The following PAPPA2 variants were observed in gnomAD, a reference collection of about 807,000 sequenced individuals.
PAPPA2 encodes the protein pappalysin 2, also known as pappalysin-2.
In PAPPA2, 86 loss-of-function variants were observed where a neutral mutation model predicts 176.4. The observed-to-expected ratio is 0.49, with a 90% CI of 0.41 to 0.58. The LOEUF (loss-of-function observed/expected upper bound fraction) is 0.58, where lower values mean the gene tolerates loss of function less well. Ranked by LOEUF, PAPPA2 falls within the 20% of genes least tolerant of loss-of-function variation. PAPPA2 has a pLI of 0.00. For synonymous variants in PAPPA2, 809 were observed against 852.2 expected (o/e 0.95, Z 0.88); for missense variants, 2,073 against 2,256.9 (o/e 0.92, Z 1.65).
At chr1:176,651,443 A>G (rs758192325) in intron 3 of PAPPA2, among the ~76,000 whole-genome samples, 17 of 151,740 alleles carry the variant, frequency 1.1e-4, no homozygotes, top group South Asian at 4.2e-4. Flanking sequence ...TTTGAAAACG[A>G]TGTCCCACTC....
At chr1:176,834,557 G>T (rs939110073) in intron 21 of PAPPA2, among the ~76,000 whole-genome samples, 11 of 152,174 alleles carry the variant, frequency 7.2e-5, no homozygotes, top group African/African-American at 2.7e-4. Context: ...GCATAGTGTT[G>T]CTTCCTCCTG....
chr1:176,510,125 A>G (rs1648502244), intron 1 of PAPPA2, among the ~76,000 whole-genome samples: 1 of 152,188 alleles, frequency 6.6e-6, no homozygotes, highest in Non-Finnish European at 1.5e-5. Context: ...ATAAGCTCAC[A>G]TATTTGAGAA....
intron 3 of PAPPA2, among the ~76,000 whole-genome samples, chr1:176,619,774 G>A (rs1406637805): frequency 6.6e-6 from 1 of 152,054 alleles, no homozygotes; most frequent in Non-Finnish European, 1.5e-5. Context: ...AATATATCAA[G>A]TAATATGGTC....
intron 4 of PAPPA2, among the ~76,000 whole-genome samples, chr1:176,681,938 T>C (rs1659605891): frequency 6.6e-6 from 1 of 152,120 alleles, no homozygotes; most frequent in Non-Finnish European, 1.5e-5. Flanking sequence ...ACAGGGTTGG[T>C]ACGGGTAGGA....
At chr1:176,826,137 T>TAA (rs1666856891) in intron 21 of PAPPA2, among the ~76,000 whole-genome samples, 1 of 152,206 alleles carries the variant, frequency 6.6e-6, no homozygotes, top group African/African-American at 2.4e-5. Flanking sequence ...AGTGTGATTC[T>TAA]AGAGTCCATG....
intron 3 of PAPPA2, 99 bp from the exon 4 acceptor site, chr1:176,670,871 T>C (rs1047545127): frequency 1.3e-5 from 19 of 1,475,182 alleles, no homozygotes; most frequent in Non-Finnish European, 1.7e-5. Context: ...AAGGTAATGC[T>C]GGCTGGGAGT....
At chr1:176,758,373 T>C (rs1436974909) in intron 14 of PAPPA2, among the ~76,000 whole-genome samples, 1 of 152,178 alleles carries the variant, frequency 6.6e-6, no homozygotes, top group Admixed American at 6.5e-5. Context: ...AAGACTTTTT[T>C]TCTCTATTAG....
In PAPPA2 at chr1:176,772,614, G is replaced by A. The variant is rs77904762; in HGVS notation, c.4715+1434G>A. Among the ~76,000 whole-genome samples the A allele has an allele frequency of 2.5e-3, 381 of 152,264 alleles. 4 individuals are homozygous for A. Among genetic ancestry groups the A allele is most frequent in the African/African-American group, 7.9e-3 (328 of 41,558 alleles). ...CCCTTTCCACCAGAGGGAAGGGCCA[G>A]GCTGATTAGAACATAAACAATACTG... On this transcript the variant is annotated intron_variant, in intron 17 of 22. Coordinates refer to ENST00000367662, the MANE Select transcript of PAPPA2 (RefSeq NM_020318.3).
chr1:176,501,212 T>A (rs917038048), intron 1 of PAPPA2, among the ~76,000 whole-genome samples: 1 of 151,998 alleles, frequency 6.6e-6, no homozygotes, highest in Non-Finnish European at 1.5e-5. Context: ...CCAGACTTAA[T>A]GGAAAAGCTT....
chr1:176,776,420 G>A (rs539602416), intron 17 of PAPPA2, among the ~76,000 whole-genome samples: 2 of 152,288 alleles, frequency 1.3e-5, no homozygotes, highest in African/African-American at 4.8e-5. Context: ...TCTGAGGGTT[G>A]CCCACAGCAT....
At chr1:176,795,932 A>G (rs943765288) in intron 20 of PAPPA2, among the ~76,000 whole-genome samples, 1 of 152,240 alleles carries the variant, frequency 6.6e-6, no homozygotes, top group Non-Finnish European at 1.5e-5. Context: ...TCCCCAAAAC[A>G]TAAATAGTGC....
In PAPPA2 at chr1:176,702,655, TGGA is replaced by T; in HGVS notation, c.3290_3292del (p.Gly1097del). On this transcript the variant is annotated inframe_deletion, in exon 9 of 23. Coordinates refer to ENST00000367662, the MANE Select transcript of PAPPA2 (RefSeq NM_020318.3). ...ATCAGTACCAAGTTCTAGCTGAAGC[TGGA>T]GGAGAACTGGGAGAAGCTTCGCCTC... The T allele has an allele frequency of 1.9e-6, 3 of 1,614,002 alleles. No individual in the cohort carries two copies. Among genetic ancestry groups the T allele is most frequent in the Non-Finnish European group, 2.5e-6 (3 of 1,179,980 alleles).
intron 3 of PAPPA2, among the ~76,000 whole-genome samples, chr1:176,597,467 A>C (rs966923329): frequency 6.6e-6 from 1 of 152,164 alleles, no homozygotes; most frequent in African/African-American, 2.4e-5. Context: ...TGTATAAGAA[A>C]ATTCTGTTTG....
Position 176,672,395 on chromosome 1 carries a change from A to G in PAPPA2, c.2137+1280A>G, listed in dbSNP as rs190618167. On this transcript the variant is annotated intron_variant, in intron 4 of 22. Coordinates refer to ENST00000367662, the MANE Select transcript of PAPPA2 (RefSeq NM_020318.3). ...TTGGTCTTCCTAGTAATCAAATAAG[A>G]AGCAGAGAGGAATAAATTAAAGAAA... 8.5e-5 allele frequency among the ~76,000 whole-genome samples: 13 copies of G among 152,288 alleles called. No homozygotes were observed. In the East Asian group the frequency reaches 2.3e-3, roughly 27 times the overall value.
chr1:176,595,091 C>G lies in PAPPA2; in HGVS notation c.1487C>G (p.Pro496Arg). ...PEPEILSPLQ[P>R]PLCGQTVCDN... is the part of the protein sequence containing the mutation. ...CCTGAGATTCTGTCGCCTTTGCAGCCCCCACTCTGTGGGCAAACAGTCTGT... is the reference window on the plus strand; with the variant it reads ...CCTGAGATTCTGTCGCCTTTGCAGCGCCCACTCTGTGGGCAAACAGTCTGT... The change falls in exon 3 of 23, where the codon CCC becomes CGC. Residue 496 changes from proline to arginine, a missense_variant. By Grantham distance (103) the Pro-to-Arg change is moderately radical. Transcript: ENST00000367662. 1 of 1,614,124 alleles carries G rather than the reference C, an allele frequency of 6.2e-7. No homozygotes were observed. Among genetic ancestry groups the G allele is most frequent in the Middle Eastern group, 1.6e-4 (1 of 6,062 alleles).
At chr1:176,540,114 G>C (rs1364417279) in intron 1 of PAPPA2, among the ~76,000 whole-genome samples, 5 of 152,074 alleles carry the variant, frequency 3.3e-5, no homozygotes, top group Non-Finnish European at 7.4e-5. Flanking sequence ...AATTTCTCAT[G>C]GTTTCATACT....
intron 12 of PAPPA2, among the ~76,000 whole-genome samples, chr1:176,732,608 T>A (rs940549071): frequency 6.6e-6 from 1 of 152,156 alleles, no homozygotes; most frequent in Non-Finnish European, 1.5e-5. Context: ...TTACTCAAAA[T>A]GTGGTTGGCA....
intron 14 of PAPPA2, among the ~76,000 whole-genome samples, chr1:176,762,658 A>G (rs1663751950): frequency 6.6e-6 from 1 of 152,218 alleles, no homozygotes; most frequent in South Asian, 2.1e-4. Flanking sequence ...GTTCTTTAGA[A>G]TCACTAATGA....
intron 1 of PAPPA2, among the ~76,000 whole-genome samples, chr1:176,545,175 T>C (rs1310882492): frequency 2.0e-5 from 3 of 152,160 alleles, no homozygotes; most frequent in African/African-American, 7.2e-5. Context: ...GTTTCCCTTA[T>C]AATCAGTCCC....
Sources: gnomAD v4.1 joint callset for allele counts (sites outside exome capture counted in the v4.1 genomes callset) on GRCh38, gnomAD v4.1.1 for gene constraint, MANE v1.5 for transcripts, NCBI Gene and HGNC (gene_info 2026-07-23, HGNC 2026-07-21) for gene names.